TLE2: variants seen among roughly 807,000 people sequenced by gnomAD.
TLE2 encodes transducin-like enhancer protein 2.
In TLE2, 74 loss-of-function variants were observed where a neutral mutation model predicts 97.2. That is an observed-to-expected ratio of 0.76 (90% CI 0.63 to 0.92). TLE2 has a LOEUF of 0.92. TLE2 is among the 40% of genes least tolerant of loss of function. The probability of loss-of-function intolerance (pLI) is 0.00; values close to 1 mark genes in which losing one functional copy is unlikely to be tolerated. For missense variants in TLE2, 1,038 were observed against 1,008.7 expected (o/e 1.03, Z -0.39); for synonymous variants, 499 against 432.1 (o/e 1.15, Z -1.92).
chr19:3,003,254 G>A (rs1251639388), intron 17 of TLE2, among the ~76,000 whole-genome samples: 1 of 152,186 alleles, frequency 6.6e-6, no homozygotes, highest in Non-Finnish European at 1.5e-5. Flanking sequence ...GACAGAGAAG[G>A]GAACAGCCAG....
intron 17 of TLE2, among the ~76,000 whole-genome samples, chr19:3,004,549 G>C (rs1464921536): frequency 6.9e-6 from 1 of 144,804 alleles, no homozygotes; most frequent in East Asian, 2.1e-4. Context: ...TGAGGCACAA[G>C]AATCATTTGA....
At chr19:3,000,413 T>C (rs2089330516) in intron 19 of TLE2, among the ~76,000 whole-genome samples, 2 of 152,044 alleles carry the variant, frequency 1.3e-5, no homozygotes, top group Admixed American at 1.3e-4. Context: ...TGCATGTTAC[T>C]GCAACTAAAT....
At position 3,011,282 on chromosome 19, in the gene TLE2, C is replaced by G. The variant is rs149447742; in HGVS notation, c.874-122G>C. ...GTGTCTCACACCTGTAATCCCAGCA[C>G]TTTGGGAGGCCCAGTCGGGCGGATC... On this transcript the variant is annotated intron_variant, in intron 11 of 19. Transcript: ENST00000262953. 4,150 of 1,118,862 alleles carry G rather than the reference C, an allele frequency of 3.7e-3. 124 individuals carry two copies. The African/African-American group carries it at 0.06, about 16-fold the overall frequency. 69.3% of individuals were successfully genotyped at this position (1,118,862 alleles called of 1,614,324 possible).
In TLE2 at chr19:3,028,813, G is replaced by T. The variant is rs570763794; in HGVS notation, c.25-10C>A. 8.1e-6 allele frequency: 13 copies of T among 1,612,084 alleles called. No homozygotes were observed. The highest frequency in any genetic ancestry group is 4.0e-5 in the African/African-American group (3 of 74,968). ...CGGACTGGAGCGGGGTCTGGGGGGGGTGTGGGGGAAACGTCAGGGTCTGAG... is the reference window on the plus strand; with the variant it reads ...CGGACTGGAGCGGGGTCTGGGGGGGTTGTGGGGGAAACGTCAGGGTCTGAG... On this transcript the variant is annotated splice_polypyrimidine_tract_variant and intron_variant, in intron 1 of 19. Transcript: ENST00000262953.
At position 3,006,441 on chromosome 19, in the gene TLE2, G is replaced by C. The variant is rs202230138; in HGVS notation, c.1479C>G (p.Pro493=). 1.5e-4 allele frequency: 243 copies of C among 1,610,258 alleles called. No individual in the cohort carries two copies. The African/African-American group carries it at 3.0e-3, about 20-fold the overall frequency. ...WDVGQPGAKT[P]VAQLDCLNRD... is the part of the protein sequence containing the mutation. Reference sequence around the variant, plus strand: ...TCACCAGGCAGTCGAGCTGGGCCACGGGCGTCTTGGCCCCAGGCTGGCCCA... The same window carrying C: ...TCACCAGGCAGTCGAGCTGGGCCACCGGCGTCTTGGCCCCAGGCTGGCCCA... The change falls in exon 15 of 20, where the codon CCC becomes CCG. Residue 493 remains proline (P), a synonymous_variant. Transcript: ENST00000262953.
rs1400566681 is a variant in TLE2, at chr19:3,017,829, C to A, written c.570+11G>T. The A allele has an allele frequency of 6.2e-7, 1 of 1,610,938 alleles. No homozygotes were observed. ...GAATATAAAAAGAGTCCCAGGGTGC[C>A]ACTCACTTACCCTGCTCGGGGCTCT... On this transcript the variant is annotated intron_variant, in intron 8 of 19. Transcript: ENST00000262953.
intron 1 of TLE2, among the ~76,000 whole-genome samples, chr19:3,040,823 G>T (rs557947051): frequency 3.5e-4 from 53 of 150,472 alleles, no homozygotes; most frequent in Admixed American, 8.0e-4. Context: ...ATTTTGTAGA[G>T]ATGGGGTCTT....
chr19:3,016,235 G>A (rs1480541505), intron 8 of TLE2, among the ~76,000 whole-genome samples: 4 of 149,978 alleles, frequency 2.7e-5, no homozygotes, highest in Admixed American at 6.6e-5. Flanking sequence ...CGCAACCAGC[G>A]CCTTACTTCT....
chr19:3,042,408 AGGGGGCCTGGG>A, intron 1 of TLE2, among the ~76,000 whole-genome samples: 1 of 27,206 alleles, frequency 3.7e-5, no homozygotes, highest in African/African-American at 1.3e-4. Flanking sequence ...GGGAGGGGTA[AGGGGGCCTGGG>A]AGGACGGTGG....
chr19:3,023,812 C>A (rs1975185), intron 5 of TLE2, among the ~76,000 whole-genome samples: 46,712 of 150,566 alleles, frequency 0.31, 7,781 homozygotes, highest in African/African-American at 0.41. Flanking sequence ...GAATCGCTTG[C>A]ACCCAGGAGG....
At chr19:3,041,014 T>TATATATATATC (rs55998855) in intron 1 of TLE2, among the ~76,000 whole-genome samples, 1 of 20,168 alleles carries the variant, frequency 5.0e-5, no homozygotes, top group Non-Finnish European at 8.4e-5. Flanking sequence ...TATATATATA[T>TATATATATATC]TTTTTTTTTT....
At chr19:3,007,301 G>T (rs1216586860) in intron 14 of TLE2, among the ~76,000 whole-genome samples, 1 of 151,916 alleles carries the variant, frequency 6.6e-6, no homozygotes, top group Admixed American at 6.6e-5. Context: ...TGTTGCTCAG[G>T]CTGGTCTCAA....
intron 15 of TLE2, 200 bp downstream of exon 15, chr19:3,006,220 G>T (rs1183570884): frequency 3.9e-5 from 39 of 1,008,626 alleles, no homozygotes; most frequent in Non-Finnish European, 4.2e-5. Flanking sequence ...TGTCTTGCAA[G>T]TCCAATTCAG....
intron 15 of TLE2, chr19:3,006,179 C>A (rs551553357): frequency 9.1e-5 from 87 of 950,832 alleles, no homozygotes; most frequent in Admixed American, 4.1e-4. Context: ...ATAAGCCCCA[C>A]CCATGGTTGG....
At chr19:3,017,485 C>G (rs943658492) in intron 8 of TLE2, among the ~76,000 whole-genome samples, 5 of 132,262 alleles carry the variant, frequency 3.8e-5, no homozygotes, top group Non-Finnish European at 7.7e-5. Context: ...GGGTCTTACT[C>G]TGTCACCCAG....
intron 11 of TLE2, 64 bp from the exon 12 acceptor site, chr19:3,011,224 A>AAGG: frequency 6.7e-7 from 1 of 1,489,340 alleles, no homozygotes. Flanking sequence ...CAACGATCTG[A>AAGG]TCAGAAACTG....
At chr19:3,009,792 G>C (rs1173747126) in intron 12 of TLE2, 90 bp from the exon 13 acceptor site, 2 of 1,471,050 alleles carry the variant, frequency 1.4e-6, no homozygotes, top group East Asian at 2.5e-5. Flanking sequence ...CTTTCATTTA[G>C]AGTTTCCATG....
chr19:3,004,139 G>C (rs905742529), intron 17 of TLE2, among the ~76,000 whole-genome samples: 1 of 152,198 alleles, frequency 6.6e-6, no homozygotes, highest in Non-Finnish European at 1.5e-5. Context: ...CACATTTGCA[G>C]AAGAGAAGAC....
chr19:3,013,873 C>T (rs1162142019), intron 10 of TLE2, 55 bp from the exon 11 acceptor site: 16 of 1,382,802 alleles, frequency 1.2e-5, no homozygotes, highest in Middle Eastern at 4.0e-4. Flanking sequence ...AAAGAAGAGT[C>T]CCTTCTCTAT....
Sources: gnomAD v4.1 joint callset for allele counts (sites outside exome capture counted in the v4.1 genomes callset) on GRCh38, gnomAD v4.1.1 for gene constraint, MANE v1.5 for transcripts, NCBI Gene and HGNC (gene_info 2026-07-23, HGNC 2026-07-21) for gene names.